Variants in PKHD1 observed in about 807,000 individuals in gnomAD.
PKHD1 encodes PKHD1 ciliary IPT domain containing fibrocystin/polyductin.
Under a neutral mutation model 412.0 loss-of-function variants are expected in PKHD1, and 291 were observed. The ratio of observed to expected loss-of-function variants is 0.71; its 90% confidence interval spans 0.64 to 0.78. PKHD1 has a LOEUF of 0.78. PKHD1 is among the 30% of genes least tolerant of loss of function. PKHD1 has a pLI of 0.00. For synonymous variants in PKHD1, 1,777 were observed against 1,821.5 expected (o/e 0.98, Z 0.62); for missense variants, 4,825 against 4,950.7 (o/e 0.97, Z 0.76).
At chr6:52,086,101 CACAA>C (rs1812738960) in intron 1 of PKHD1, among the ~76,000 whole-genome samples, 1 of 146,532 alleles carries the variant, frequency 6.8e-6, no homozygotes, top group Non-Finnish European at 1.5e-5. Flanking sequence ...CATACACACA[CACAA>C]AGTGTGTGTG....
At chr6:51,760,213 A>G (rs1221319102) in intron 55 of PKHD1, among the ~76,000 whole-genome samples, 1 of 152,150 alleles carries the variant, frequency 6.6e-6, no homozygotes, top group African/African-American at 2.4e-5. Flanking sequence ...ATAATATGCC[A>G]TTGAACCAAG....
chr6:51,871,155 C>T (rs946003139), intron 46 of PKHD1, among the ~76,000 whole-genome samples: 2 of 152,078 alleles, frequency 1.3e-5, no homozygotes, highest in Non-Finnish European at 2.9e-5. Context: ...TATCATATGA[C>T]CTAGCAATTC....
intron 35 of PKHD1, among the ~76,000 whole-genome samples, chr6:51,967,660 G>GTA (rs1251123589): frequency 2.6e-5 from 4 of 151,462 alleles, no homozygotes; most frequent in Non-Finnish European, 4.4e-5. Context: ...GTGTATGTGT[G>GTA]TGTGTGTGTG....
Position 52,062,500 on chromosome 6 carries a change from C to T in PKHD1, c.1118+19G>A. The T allele has an allele frequency of 6.2e-7, 1 of 1,613,816 alleles. No homozygotes were observed. Among genetic ancestry groups the T allele is most frequent in the Non-Finnish European group, 8.5e-7 (1 of 1,179,738 alleles). ...CAAAGGTGCTTTTGATGTGGGCTCC[C>T]ACTTTTCCTACAACATACCTGAAAG... On this transcript the variant is annotated intron_variant, in intron 14 of 66. Transcript: ENST00000371117.
intron 6 of PKHD1, among the ~76,000 whole-genome samples, chr6:52,074,933 C>T (rs543303682): frequency 1.8e-4 from 27 of 152,324 alleles, no homozygotes; most frequent in African/African-American, 6.3e-4. Flanking sequence ...AGAACTCCAA[C>T]TTGGTGGAAG....
chr6:51,870,627 T>C lies in PKHD1; in HGVS notation c.7363A>G (p.Met2455Val), dbSNP rs1374738365. ...GHFAHKGSLC[M>V]SSGIKTPKRW... Reference sequence around the variant, plus strand: ...TTAGGAGTTTTAATCCCAGATGACATACACAGACTTCCCTGTGATTTAAAA... The same window carrying C: ...TTAGGAGTTTTAATCCCAGATGACACACACAGACTTCCCTGTGATTTAAAA... The change falls in exon 47 of 67, where the codon ATG (methionine) becomes GTG (valine). Residue 2455 changes from methionine to valine, a missense_variant. By Grantham distance (21) the Met-to-Val change is conservative. Transcript: ENST00000371117. 10 of 1,609,282 alleles carry C rather than the reference T, an allele frequency of 6.2e-6. No homozygotes were observed. Among genetic ancestry groups the C allele is most frequent in the Non-Finnish European group, 8.5e-6 (10 of 1,175,852 alleles).
chr6:52,053,210 C>T lies in PKHD1; in HGVS notation c.2006G>A (p.Arg669His), dbSNP rs200497761. ...DCTDLWETCV[R>H]CFGDLQPPPA... ...AGGGGGCTGGAGATCCCCGAAGCAA[C>T]GCACACAAGTCTCCCAGAGGTCAGT... Residue 669 changes from arginine (R) to histidine (H), a missense_variant, in exon 21 of 67, where the codon CGT becomes CAT. Arg to His is a conservative substitution (Grantham distance 29). Coordinates refer to ENST00000371117, the MANE Select transcript of PKHD1 (RefSeq NM_138694.4). 344 of 1,614,174 alleles carry T rather than the reference C, an allele frequency of 2.1e-4. No individual in the cohort carries two copies. Among genetic ancestry groups the T allele is most frequent in the Admixed American group, 5.8e-4 (35 of 60,028 alleles).
At chr6:52,049,080 C>G (rs1806333827) in intron 22 of PKHD1, among the ~76,000 whole-genome samples, 1 of 152,124 alleles carries the variant, frequency 6.6e-6, no homozygotes, top group Admixed American at 6.5e-5. Context: ...AGAAAGAAAC[C>G]TATACAGTTA....
intron 60 of PKHD1, among the ~76,000 whole-genome samples, chr6:51,715,736 A>T (rs1781178290): frequency 6.6e-6 from 1 of 152,246 alleles, no homozygotes. Context: ...AGACATTTAA[A>T]CACAGATTAG....
intron 35 of PKHD1, among the ~76,000 whole-genome samples, chr6:51,995,064 T>C (rs979306187): frequency 6.6e-6 from 1 of 152,226 alleles, no homozygotes; most frequent in African/African-American, 2.4e-5. Flanking sequence ...CGTTTCTTTG[T>C]ATTACTTTCA....
chr6:51,989,855 T>C (rs1796659874), intron 35 of PKHD1, among the ~76,000 whole-genome samples: 1 of 64,136 alleles, frequency 1.6e-5, no homozygotes, highest in African/African-American at 6.2e-5. Context: ...AATGAAGGGA[T>C]AGGGGGAGGG....
intron 28 of PKHD1, 80 bp from the exon 29 acceptor site, chr6:52,033,245 A>C: frequency 8.9e-7 from 1 of 1,117,630 alleles, no homozygotes; most frequent in Middle Eastern, 2.0e-4. Flanking sequence ...CTCCATATAG[A>C]ATTAGTTTTA....
At chr6:52,023,268 C>T (rs1801672702) in intron 32 of PKHD1, among the ~76,000 whole-genome samples, 1 of 152,080 alleles carries the variant, frequency 6.6e-6, no homozygotes, top group African/African-American at 2.4e-5. Flanking sequence ...AAAATTCCCC[C>T]AACCATCTGA....
chr6:51,760,109 TAAAC>T lies in PKHD1; in HGVS notation c.8643-5175_8643-5172del, dbSNP rs1318982329. ...GCCACCAACTCTATATTCTAATACT[TAAAC>T]TAAGTTGTTATAATAATAAAGTTTG... On this transcript the variant is annotated intron_variant, in intron 55 of 66. Transcript: ENST00000371117. Among the ~76,000 whole-genome samples, 10 of 152,130 alleles carry T rather than the reference TAAAC, an allele frequency of 6.6e-5. 1 individual carries two copies. Among genetic ancestry groups the T allele is most frequent in the African/African-American group, 2.2e-4 (9 of 41,442 alleles).
chr6:51,653,936 A>G (rs1015414773), intron 61 of PKHD1, among the ~76,000 whole-genome samples: 6 of 152,188 alleles, frequency 3.9e-5, no homozygotes, highest in Admixed American at 1.3e-4. Context: ...TAAAGACCAT[A>G]CGCAAAATAA....
chr6:51,723,261 A>G (rs920468460), intron 60 of PKHD1, among the ~76,000 whole-genome samples: 8 of 152,208 alleles, frequency 5.3e-5, no homozygotes, highest in African/African-American at 1.7e-4. Flanking sequence ...ACAGCTAGGA[A>G]AGACTGTAGT....
chr6:51,638,622 A>C (rs1424903881), intron 64 of PKHD1, among the ~76,000 whole-genome samples: 1 of 152,188 alleles, frequency 6.6e-6, no homozygotes, highest in African/African-American at 2.4e-5. Flanking sequence ...AATGTTGAGA[A>C]GGAAATGTAC....
chr6:51,854,363 A>G (rs1772893630), intron 49 of PKHD1, among the ~76,000 whole-genome samples: 2 of 152,094 alleles, frequency 1.3e-5, no homozygotes, highest in Non-Finnish European at 2.9e-5. Flanking sequence ...TCGCTCCTGT[A>G]TAGGGTGTCT....
intron 52 of PKHD1, among the ~76,000 whole-genome samples, chr6:51,800,044 G>A (rs1051457292): frequency 1.1e-4 from 16 of 152,240 alleles, no homozygotes; most frequent in Non-Finnish European, 2.2e-4. Context: ...CTCAATGGGT[G>A]GCTGATGGGG....
Sources: allele counts gnomAD v4.1 joint callset (sites outside exome capture counted in the v4.1 genomes callset), GRCh38; gene constraint gnomAD v4.1.1; transcripts MANE v1.5; gene names NCBI Gene and HGNC (gene_info 2026-07-23, HGNC 2026-07-21).